The following SNX9 variants were observed in gnomAD, a reference collection of about 807,000 sequenced individuals.
SNX9 encodes sorting nexin 9.
A neutral mutation model predicts 89.4 loss-of-function variants in SNX9; 44 were observed. That is an observed-to-expected ratio of 0.49 (90% CI 0.39 to 0.63). The LOEUF (loss-of-function observed/expected upper bound fraction) is 0.63. SNX9 is among the 30% of genes least tolerant of loss of function. The pLI is 0.00. For synonymous variants in SNX9, 236 were observed against 247.8 expected (o/e 0.95, Z 0.45); for missense variants, 578 against 736.1 (o/e 0.79, Z 2.49).
intron 10 of SNX9, among the ~76,000 whole-genome samples, chr6:157,924,972 C>A (rs531186398): frequency 6.6e-6 from 1 of 152,210 alleles, no homozygotes; most frequent in South Asian, 2.1e-4. Context: ...CGTGGAACAT[C>A]CTCCTATCCT....
At chr6:157,883,048 A>G (rs759298612) in intron 4 of SNX9, among the ~76,000 whole-genome samples, 13 of 152,142 alleles carry the variant, frequency 8.5e-5, no homozygotes, top group Non-Finnish European at 1.3e-4. Flanking sequence ...TCTTGTTTTA[A>G]GAAGTTGCCA....
chr6:157,918,891 C>T (rs1397170450), intron 9 of SNX9, among the ~76,000 whole-genome samples: 1 of 151,806 alleles, frequency 6.6e-6, no homozygotes, highest in Non-Finnish European at 1.5e-5. Context: ...TCATTTATGC[C>T]ATTATTTTTA....
At chr6:157,858,489 T>C (rs2115127260) in intron 1 of SNX9, among the ~76,000 whole-genome samples, 1 of 152,242 alleles carries the variant, frequency 6.6e-6, no homozygotes, top group Non-Finnish European at 1.5e-5. Flanking sequence ...CCCAAAGTGC[T>C]GGGATTACAA....
chr6:157,893,649 A>AG (rs35663087), intron 4 of SNX9, among the ~76,000 whole-genome samples: 2 of 151,838 alleles, frequency 1.3e-5, no homozygotes, highest in Non-Finnish European at 2.9e-5. Context: ...ACTCAAATAA[A>AG]GGGGAAGACT....
intron 9 of SNX9, 36 bp from the exon 10 acceptor site, chr6:157,921,495 C>T (rs1381113060): frequency 1.3e-6 from 2 of 1,597,972 alleles, no homozygotes; most frequent in Non-Finnish European, 1.7e-6. Flanking sequence ...TCATTTTAGA[C>T]AAAGTTGTAT....
At chr6:157,919,178 G>A (rs763563348) in intron 9 of SNX9, among the ~76,000 whole-genome samples, 14 of 152,054 alleles carry the variant, frequency 9.2e-5, no homozygotes, top group African/African-American at 1.4e-4. Context: ...ATTTATCTGG[G>A]TATGTCTTTA....
intron 13 of SNX9, among the ~76,000 whole-genome samples, chr6:157,934,921 T>C (rs975474534): frequency 3.3e-5 from 5 of 152,218 alleles, no homozygotes; most frequent in Admixed American, 6.5e-5. Context: ...CCAGGGTTCC[T>C]ATCAAAAGAC....
chr6:157,882,057 C>T (rs1782636585), intron 4 of SNX9, among the ~76,000 whole-genome samples: 1 of 152,180 alleles, frequency 6.6e-6, no homozygotes, highest in Non-Finnish European at 1.5e-5. Context: ...AAGCCAGTGC[C>T]TGCTTCAAAG....
Position 157,928,603 on chromosome 6 carries a change from CAG to C in SNX9, c.1191_1192del (p.Lys398ValfsTer13), listed in dbSNP as rs1238763151. ...GACGGCCGCCTTCACCCACAGAGAG[CAG>C]AAGTGCGAGGCTGTGGGGAAGTTCA... ...APDLDLVEIE[Q>X]KCEAVGKFTK... On this transcript the variant is annotated frameshift_variant, in exon 12 of 18. Coordinates refer to ENST00000392185, the MANE Select transcript of SNX9 (RefSeq NM_016224.5). LOFTEE classifies it high-confidence loss of function. 1 of 1,606,034 alleles carries C rather than the reference CAG, an allele frequency of 6.2e-7. No individual in the cohort carries two copies. The highest frequency in any genetic ancestry group is 8.5e-7 in the Non-Finnish European group (1 of 1,176,564).
intron 2 of SNX9, 70 bp downstream of exon 2, chr6:157,867,703 C>A: frequency 7.9e-7 from 1 of 1,262,606 alleles, no homozygotes; most frequent in Non-Finnish European, 1.1e-6. Context: ...GGTAAGAGAA[C>A]TGTACATTCG....
chr6:157,920,649 G>C (rs982469786), intron 9 of SNX9, among the ~76,000 whole-genome samples: 47 of 152,200 alleles, frequency 3.1e-4, no homozygotes, highest in African/African-American at 1.1e-3. Flanking sequence ...CACTCATTTG[G>C]TTGTTTTTAT....
chr6:157,874,979 T>C (rs1583211758), intron 3 of SNX9, 72 bp from the exon 4 acceptor site: 8 of 1,502,404 alleles, frequency 5.3e-6, no homozygotes, highest in Non-Finnish European at 7.2e-6. Flanking sequence ...TTGACAATTC[T>C]TGCTTGCCCT....
chr6:157,864,335 C>T (rs1782208124), intron 1 of SNX9, among the ~76,000 whole-genome samples: 2 of 152,306 alleles, frequency 1.3e-5, no homozygotes, highest in Non-Finnish European at 2.9e-5. Flanking sequence ...CCCAATACCA[C>T]TGCCTTGGGG....
At chr6:157,829,536 C>G (rs1781443292) in intron 1 of SNX9, 1 of 152,128 alleles carries the variant, frequency 6.6e-6, no homozygotes, top group South Asian at 2.1e-4. Flanking sequence ...ATATGTATAT[C>G]CTTACTAATT....
intron 1 of SNX9, among the ~76,000 whole-genome samples, chr6:157,843,872 CTTTTT>C (rs1006138414): frequency 3.3e-5 from 4 of 120,722 alleles, no homozygotes; most frequent in Admixed American, 8.4e-5. Context: ...TCCCATTTGT[CTTTTT>C]TTTTTTTTTT....
At chr6:157,828,090 G>A (rs998678485) in intron 1 of SNX9, among the ~76,000 whole-genome samples, 5 of 152,118 alleles carry the variant, frequency 3.3e-5, no homozygotes, top group African/African-American at 4.8e-5. Flanking sequence ...GACTAGAATA[G>A]AAATATCTTT....
chr6:157,938,259 T>C (rs941642357), intron 15 of SNX9, among the ~76,000 whole-genome samples: 3 of 152,238 alleles, frequency 2.0e-5, no homozygotes, highest in African/African-American at 4.8e-5. Flanking sequence ...AGAGAGTGCC[T>C]GTGTGCACAT....
At chr6:157,891,966 T>C (rs895078798) in intron 4 of SNX9, among the ~76,000 whole-genome samples, 5 of 152,204 alleles carry the variant, frequency 3.3e-5, no homozygotes, top group African/African-American at 7.2e-5. Flanking sequence ...AAACTCCTGA[T>C]TGAGCCACAG....
chr6:157,923,885 G>T (rs929413013), intron 10 of SNX9, among the ~76,000 whole-genome samples: 1 of 152,162 alleles, frequency 6.6e-6, no homozygotes, highest in South Asian at 2.1e-4. Context: ...AAATGTGCTC[G>T]CTACCTCACT....
Sources: allele counts gnomAD v4.1 joint callset (sites outside exome capture counted in the v4.1 genomes callset), GRCh38; gene constraint gnomAD v4.1.1; transcripts MANE v1.5; gene names NCBI Gene and HGNC (gene_info 2026-07-23, HGNC 2026-07-21).